NDUFAF2: variants seen among roughly 807,000 people sequenced by gnomAD.
The protein encoded by NDUFAF2 is NADH:ubiquinone oxidoreductase complex assembly factor 2, also known as NADH dehydrogenase [ubiquinone] 1 alpha subcomplex assembly factor 2.
A neutral mutation model predicts 22.8 loss-of-function variants in NDUFAF2; 13 were observed. That is an observed-to-expected ratio of 0.57 (90% CI 0.37 to 0.91). NDUFAF2 has a LOEUF of 0.91. Among genes scored for constraint, NDUFAF2 ranks in the 40% least tolerant of loss-of-function variants. The pLI is 0.01. For missense variants in NDUFAF2, 162 were observed against 195.2 expected (o/e 0.83, Z 1.01); for synonymous variants, 53 against 64.2 (o/e 0.83, Z 0.84).
chr5:61,051,653 T>C (rs1318638664), intron 1 of NDUFAF2, among the ~76,000 whole-genome samples: 1 of 152,150 alleles, frequency 6.6e-6, no homozygotes, highest in East Asian at 1.9e-4. Flanking sequence ...TTAAAAAAAA[T>C]GCATTGTAGA....
Position 60,950,310 on chromosome 5 carries a change from C to T in NDUFAF2, c.127+4928C>T, listed in dbSNP as rs367868589. Among the ~76,000 whole-genome samples, 4 of 152,166 alleles carry T rather than the reference C, an allele frequency of 2.6e-5. No individual in the cohort carries two copies. The East Asian group carries it at 7.7e-4, about 29-fold the overall frequency. ...CAAGCGATTTTTCTGCCTCAGCCTCCTGAGTATCTGGGATTACAGGCATGT... is the reference window on the plus strand; with the variant it reads ...CAAGCGATTTTTCTGCCTCAGCCTCTTGAGTATCTGGGATTACAGGCATGT... On this transcript the variant is annotated intron_variant, in intron 1 of 3. Coordinates refer to ENST00000296597, the MANE Select transcript of NDUFAF2 (RefSeq NM_174889.5).
intron 1 of NDUFAF2, among the ~76,000 whole-genome samples, chr5:61,037,029 G>A (rs1452834429): frequency 6.6e-6 from 1 of 152,078 alleles, no homozygotes; most frequent in Non-Finnish European, 1.5e-5. Context: ...TTGAGGCCCT[G>A]CTAATTGCAA....
rs188180733 is a variant in NDUFAF2, at chr5:61,114,247, A to G, written c.258+15215A>G. On this transcript the variant is annotated intron_variant, in intron 3 of 3. Coordinates refer to ENST00000296597, the MANE Select transcript of NDUFAF2 (RefSeq NM_174889.5). ...TTTTTCTCTTGTCTCCTCTGACTGT[A>G]TATTTTCAAATACCCTGTCTTTAGG... Among the ~76,000 whole-genome samples the G allele has an allele frequency of 8.5e-5, 13 of 152,082 alleles. No individual in the cohort carries two copies. In the East Asian group the frequency reaches 2.1e-3, roughly 25 times the overall value.
chr5:61,103,561 C>A (rs1000920497), intron 3 of NDUFAF2, among the ~76,000 whole-genome samples: 2 of 152,004 alleles, frequency 1.3e-5, no homozygotes, highest in Admixed American at 6.6e-5. Flanking sequence ...ATAACTTATT[C>A]ATTTGTGTGT....
At chr5:61,115,872 G>A (rs1417287413) in intron 3 of NDUFAF2, 1 of 152,150 alleles carries the variant, frequency 6.6e-6, no homozygotes, top group Non-Finnish European at 1.5e-5. Flanking sequence ...TATTCCCTTT[G>A]TGATATCGTA....
chr5:61,070,427 C>T (rs1176504923), intron 1 of NDUFAF2, among the ~76,000 whole-genome samples: 1 of 151,936 alleles, frequency 6.6e-6, no homozygotes, highest in Admixed American at 6.6e-5. Context: ...AGGAGATAAA[C>T]ATATCTGATT....
intron 3 of NDUFAF2, among the ~76,000 whole-genome samples, chr5:61,149,582 C>T (rs1741197657): frequency 6.6e-6 from 1 of 151,558 alleles, no homozygotes; most frequent in Non-Finnish European, 1.5e-5. Flanking sequence ...TAACATTCAG[C>T]CATCTTTTTT....
At chr5:61,058,808 T>G (rs1483829007) in intron 1 of NDUFAF2, among the ~76,000 whole-genome samples, 2 of 152,040 alleles carry the variant, frequency 1.3e-5, no homozygotes. Context: ...TTTCAAAAGT[T>G]GATTTCTACA....
chr5:60,997,991 A>G (rs1751249532), intron 1 of NDUFAF2, among the ~76,000 whole-genome samples: 1 of 152,160 alleles, frequency 6.6e-6, no homozygotes, highest in South Asian at 2.1e-4. Context: ...ATACCAACCT[A>G]TGTCTTTTCT....
At chr5:61,136,037 A>ATATATATATATATATATATC (rs1561136700) in intron 3 of NDUFAF2, among the ~76,000 whole-genome samples, 2 of 94,684 alleles carry the variant, frequency 2.1e-5, no homozygotes, top group African/African-American at 7.9e-5. Context: ...ATATATATAT[A>ATATATATATATATATATATC]TATATCTAGG....
At chr5:61,053,870 G>T (rs972650424) in intron 1 of NDUFAF2, among the ~76,000 whole-genome samples, 10 of 152,130 alleles carry the variant, frequency 6.6e-5, no homozygotes, top group African/African-American at 2.4e-4. Flanking sequence ...AATATATTTT[G>T]TTGAAAGTTT....
At chr5:61,014,074 T>C (rs1751476154) in intron 1 of NDUFAF2, among the ~76,000 whole-genome samples, 3 of 152,200 alleles carry the variant, frequency 2.0e-5, no homozygotes, top group Admixed American at 2.0e-4. Context: ...GTGGCAAGTG[T>C]CCCCTAGATA....
At position 61,016,373 on chromosome 5, in the gene NDUFAF2, G is replaced by A. The variant is rs191015066; in HGVS notation, c.128-56752G>A. ...TGAAATTACAAAACTATATATTGGG[G>A]GACATAAGGCTAGTTTCAAAGAAAT... is the stretch of plus-strand genomic sequence containing the variant. On this transcript the variant is annotated intron_variant, in intron 1 of 3. Coordinates refer to ENST00000296597, the MANE Select transcript of NDUFAF2 (RefSeq NM_174889.5). 1.0e-3 allele frequency among the ~76,000 whole-genome samples: 157 copies of A among 152,096 alleles called. 2 individuals are homozygous for A. The highest frequency in any genetic ancestry group is 3.7e-3 in the African/African-American group (153 of 41,514).
intron 3 of NDUFAF2, among the ~76,000 whole-genome samples, chr5:61,101,059 A>T (rs1752699446): frequency 6.6e-6 from 1 of 152,176 alleles, no homozygotes; most frequent in Non-Finnish European, 1.5e-5. Context: ...TTTATCAAAC[A>T]CAGTTCTTAC....
At chr5:61,012,305 C>T (rs1287861838) in intron 1 of NDUFAF2, among the ~76,000 whole-genome samples, 1 of 151,908 alleles carries the variant, frequency 6.6e-6, no homozygotes. Flanking sequence ...CTCAGTATTT[C>T]CACCAAGATC....
intron 1 of NDUFAF2, among the ~76,000 whole-genome samples, chr5:60,999,703 A>T (rs369148554): frequency 1.3e-5 from 2 of 152,080 alleles, no homozygotes; most frequent in African/African-American, 4.8e-5. Context: ...ATTTTATGTT[A>T]TGTGGATTTT....
chr5:60,985,368 G>T (rs1355242985), intron 1 of NDUFAF2, among the ~76,000 whole-genome samples: 2 of 151,742 alleles, frequency 1.3e-5, no homozygotes, highest in Non-Finnish European at 1.5e-5. Flanking sequence ...TTGATTTTTT[G>T]AAGGCTTTTT....
chr5:60,963,404 T>C (rs1025303381), intron 1 of NDUFAF2, among the ~76,000 whole-genome samples: 3 of 152,184 alleles, frequency 2.0e-5, no homozygotes, highest in Non-Finnish European at 4.4e-5. Flanking sequence ...TGGCAAGATT[T>C]TTGAAAAGGG....
chr5:61,128,797 A>T (rs1411117133), intron 3 of NDUFAF2, among the ~76,000 whole-genome samples: 3 of 152,140 alleles, frequency 2.0e-5, no homozygotes, highest in African/African-American at 7.2e-5. Context: ...AAATTGACAA[A>T]TGGGATCTAA....
Sources: gnomAD v4.1 joint callset for allele counts (sites outside exome capture counted in the v4.1 genomes callset) on GRCh38, gnomAD v4.1.1 for gene constraint, MANE v1.5 for transcripts, NCBI Gene and HGNC (gene_info 2026-07-23, HGNC 2026-07-21) for gene names.